RBFOX1: variants seen among roughly 807,000 people sequenced by gnomAD.
The protein encoded by RBFOX1 is RNA binding protein fox-1 homolog 1.
RBFOX1 carries 8 observed loss-of-function variants against 57.7 expected under a neutral mutation model. That is an observed-to-expected ratio of 0.14 (90% CI 0.08 to 0.25). The LOEUF (loss-of-function observed/expected upper bound fraction) is 0.25, where lower values mean the gene tolerates loss of function less well. Among genes scored for constraint, RBFOX1 ranks in the 10% least tolerant of loss-of-function variants. The pLI, the probability that RBFOX1 is intolerant of heterozygous loss-of-function variation, is 1.00. For missense variants in RBFOX1, 611 were observed against 548.5 expected (o/e 1.11, Z -1.14); for synonymous variants, 326 against 222.4 (o/e 1.47, Z -4.15).
chr16:6,087,876 C>A (rs1193410083), intron 1 of RBFOX1, among the ~76,000 whole-genome samples: 1 of 152,150 alleles, frequency 6.6e-6, no homozygotes, highest in African/African-American at 2.4e-5. Flanking sequence ...TGGTCTCGAT[C>A]TCTTGACCTT....
At chr16:6,240,098 T>A (rs2097532421) in intron 1 of RBFOX1, among the ~76,000 whole-genome samples, 1 of 152,154 alleles carries the variant, frequency 6.6e-6, no homozygotes, top group African/African-American at 2.4e-5. Flanking sequence ...CCTTTTTCCA[T>A]CATTGCCATG....
At chr16:5,955,503 C>T (rs1483954210) in intron 4 of RBFOX1, among the ~76,000 whole-genome samples, 1 of 151,946 alleles carries the variant, frequency 6.6e-6, no homozygotes, top group Non-Finnish European at 1.5e-5. Context: ...TAACCTTCTG[C>T]AAATAAATAA....
chr16:5,362,582 G>T (rs1347476096), intron 1 of RBFOX1, among the ~76,000 whole-genome samples: 1 of 152,130 alleles, frequency 6.6e-6, no homozygotes, highest in Non-Finnish European at 1.5e-5. Context: ...GGCTGGTCTT[G>T]AACTCCCGAC....
chr16:7,572,723 C>T (rs916814030), intron 5 of RBFOX1, among the ~76,000 whole-genome samples: 3 of 152,058 alleles, frequency 2.0e-5, no homozygotes, highest in Admixed American at 2.0e-4. Context: ...CCTGTAGTCA[C>T]AGCTACTCGG....
intron 3 of RBFOX1, among the ~76,000 whole-genome samples, chr16:6,682,420 G>T (rs1003818972): frequency 5.9e-5 from 9 of 151,584 alleles, no homozygotes; most frequent in Non-Finnish European, 8.8e-5. Context: ...TAAAAAAAAA[G>T]TGTTTCATTT....
intron 1 of RBFOX1, among the ~76,000 whole-genome samples, chr16:5,245,871 A>G (rs1265785562): frequency 6.6e-6 from 1 of 152,268 alleles, no homozygotes; most frequent in Non-Finnish European, 1.5e-5. Context: ...TAAGGAGACT[A>G]TTTTGACCAA....
intron 2 of RBFOX1, among the ~76,000 whole-genome samples, chr16:5,488,549 G>GTGA (rs149135369): frequency 0.026 from 272 of 10,480 alleles, 16 homozygotes; most frequent in Middle Eastern, 0.25. Context: ...GGGTGTGATG[G>GTGA]TGATAATGGA....
chr16:6,149,848 C>G (rs1373778856), intron 1 of RBFOX1, among the ~76,000 whole-genome samples: 1 of 152,170 alleles, frequency 6.6e-6, no homozygotes, highest in Admixed American at 6.5e-5. Flanking sequence ...AAATGTGAAT[C>G]TTCATGAAAG....
chr16:5,974,546 G>A (rs1187776180), intron 4 of RBFOX1, among the ~76,000 whole-genome samples: 1 of 152,122 alleles, frequency 6.6e-6, no homozygotes, highest in East Asian at 1.9e-4. Flanking sequence ...GGAGGCGGAG[G>A]TTGCAGTGAG....
intron 4 of RBFOX1, among the ~76,000 whole-genome samples, chr16:7,073,745 A>G (rs1199061159): frequency 6.6e-6 from 1 of 152,128 alleles, no homozygotes; most frequent in African/African-American, 2.4e-5. Flanking sequence ...TGCCCTTGGT[A>G]CCAGTTACTC....
chr16:6,917,164 G>C (rs952829160), intron 3 of RBFOX1, among the ~76,000 whole-genome samples: 2 of 152,048 alleles, frequency 1.3e-5, no homozygotes, highest in Admixed American at 6.6e-5. Flanking sequence ...AAATGATTTT[G>C]TCCACAGAGC....
At chr16:5,690,668 A>T (rs1046146286) in intron 3 of RBFOX1, among the ~76,000 whole-genome samples, 1 of 152,228 alleles carries the variant, frequency 6.6e-6, no homozygotes, top group Non-Finnish European at 1.5e-5. Context: ...AAGATTTAGT[A>T]CATGACTGAC....
At chr16:7,656,976 C>G (rs376744287) in intron 12 of RBFOX1, among the ~76,000 whole-genome samples, 9 of 152,148 alleles carry the variant, frequency 5.9e-5, no homozygotes, top group African/African-American at 1.7e-4. Flanking sequence ...CCCCAGCAAT[C>G]TCCATCTTTT....
intron 1 of RBFOX1, among the ~76,000 whole-genome samples, chr16:6,213,823 C>G (rs2097314072): frequency 6.6e-6 from 1 of 152,194 alleles, no homozygotes; most frequent in South Asian, 2.1e-4. Context: ...AACCTCATCA[C>G]TGTTGACATT....
intron 1 of RBFOX1, among the ~76,000 whole-genome samples, chr16:6,150,124 T>C (rs2096787349): frequency 6.6e-6 from 1 of 152,126 alleles, no homozygotes; most frequent in African/African-American, 2.4e-5. Flanking sequence ...TAGGAAATTA[T>C]GTGATGTTAG....
intron 2 of RBFOX1, among the ~76,000 whole-genome samples, chr16:6,435,692 G>C (rs1247085838): frequency 2.0e-5 from 3 of 152,156 alleles, no homozygotes; most frequent in Non-Finnish European, 4.4e-5. Flanking sequence ...CTTCTCTTCA[G>C]TTACCTATAA....
At chr16:7,401,785 C>T (rs1482518550) in intron 4 of RBFOX1, among the ~76,000 whole-genome samples, 2 of 152,160 alleles carry the variant, frequency 1.3e-5, no homozygotes, top group South Asian at 4.1e-4. Context: ...CAGGAGATGT[C>T]ATAGGCCCAG....
chr16:5,410,061 A>T (rs12446236), intron 1 of RBFOX1, among the ~76,000 whole-genome samples: 62,106 of 145,858 alleles, frequency 0.43, 13,504 homozygotes, highest in Non-Finnish European at 0.48. Context: ...AAAAAAAAAA[A>T]AAAAATAATA....
intron 1 of RBFOX1, among the ~76,000 whole-genome samples, chr16:5,339,547 A>G (rs532746062): frequency 7.9e-4 from 100 of 126,520 alleles, no homozygotes; most frequent in African/African-American, 2.7e-3. Flanking sequence ...CAGTGTCACA[A>G]TCTTAGCTCA....
Sources: allele counts gnomAD v4.1 joint callset (sites outside exome capture counted in the v4.1 genomes callset), GRCh38; gene constraint gnomAD v4.1.1; transcripts MANE v1.5; gene names NCBI Gene and HGNC (gene_info 2026-07-23, HGNC 2026-07-21).